SUGCT: variants seen among roughly 807,000 people sequenced by gnomAD.
SUGCT encodes the protein succinyl-CoA:glutarate CoA-transferase.
SUGCT carries 41 observed loss-of-function variants against 55.0 expected under a neutral mutation model. That is an observed-to-expected ratio of 0.74 (90% CI 0.58 to 0.97). SUGCT has a LOEUF of 0.97. Ranked by LOEUF, SUGCT falls within the 50% of genes least tolerant of loss-of-function variation. SUGCT has a pLI of 0.00. For synonymous variants in SUGCT, 187 were observed against 200.4 expected, an observed-to-expected ratio of 0.93 and a Z score of 0.56; for missense variants, 568 against 547.8, an observed-to-expected ratio of 1.04 and a Z score of -0.37.
At chr7:41,024,610 A>G in the SUGCT span, among the ~76,000 whole-genome samples, 1 of 151,974 alleles carries the variant, frequency 6.6e-6, no homozygotes, top group Non-Finnish European at 1.5e-5. Flanking sequence ...AGTGACAGGG[A>G]AATGAAGATT....
the SUGCT span, among the ~76,000 whole-genome samples, chr7:40,883,841 C>T: frequency 6.6e-6 from 1 of 152,154 alleles, no homozygotes; most frequent in Admixed American, 6.5e-5. Context: ...CCTGGTCTAC[C>T]TACTTCAGGG....
chr7:40,955,862 C>A, the SUGCT span, among the ~76,000 whole-genome samples: 2 of 152,050 alleles, frequency 1.3e-5, no homozygotes, highest in Non-Finnish European at 2.9e-5. Context: ...TTATCAAAGG[C>A]TTTTTCTGCA....
chr7:40,489,488 C>G (rs1349455782), intron 11 of SUGCT, among the ~76,000 whole-genome samples: 1 of 152,036 alleles, frequency 6.6e-6, no homozygotes, highest in East Asian at 1.9e-4. Context: ...AGAGACCATC[C>G]TGGACAATAT....
chr7:40,151,022 A>T (rs1163899233), intron 1 of SUGCT, among the ~76,000 whole-genome samples: 1 of 152,222 alleles, frequency 6.6e-6, no homozygotes, highest in East Asian at 1.9e-4. Flanking sequence ...GGATTGCAAG[A>T]TCAGGAGATT....
At chr7:40,624,325 T>C (rs1014531218) in intron 12 of SUGCT, among the ~76,000 whole-genome samples, 6 of 152,200 alleles carry the variant, frequency 3.9e-5, no homozygotes, top group African/African-American at 1.4e-4. Flanking sequence ...TATATGTTAT[T>C]ATTTCTGTGA....
the SUGCT span, among the ~76,000 whole-genome samples, chr7:41,026,901 G>A: frequency 4.2e-4 from 64 of 152,158 alleles, no homozygotes; most frequent in Middle Eastern, 6.8e-3. Flanking sequence ...GAGAGGTGGC[G>A]CATGCCTGTA....
rs1473821306 is a variant in SUGCT, at chr7:40,206,510, A to G, written c.484+11450A>G. 2.0e-5 allele frequency among the ~76,000 whole-genome samples: 3 copies of G among 152,226 alleles called. No individual in the cohort carries two copies. In the East Asian group the frequency reaches 5.8e-4, roughly 29 times the overall value. ...GTGGAATCAGTGAAATCCAACTTGTAAAGAATATATTATGCACAAAGGTTT... is the reference window on the plus strand; with the variant it reads ...GTGGAATCAGTGAAATCCAACTTGTGAAGAATATATTATGCACAAAGGTTT... On this transcript the variant is annotated intron_variant, in intron 6 of 13. Transcript: ENST00000335693.
intron 7 of SUGCT, among the ~76,000 whole-genome samples, chr7:40,272,141 C>CATATAT (rs58480323): frequency 2.8e-4 from 13 of 46,736 alleles, no homozygotes; most frequent in African/African-American, 3.9e-4. Context: ...TGCAATGTGA[C>CATATAT]ATATATATAT....
the SUGCT span, among the ~76,000 whole-genome samples, chr7:41,011,146 G>A: frequency 1.3e-5 from 2 of 152,134 alleles, no homozygotes; most frequent in African/African-American, 4.8e-5. Flanking sequence ...TGGTTGACAC[G>A]CATGAGGAGG....
intron 9 of SUGCT, among the ~76,000 whole-genome samples, chr7:40,323,042 A>G (rs1334074344): frequency 2.0e-5 from 3 of 150,792 alleles, no homozygotes; most frequent in Non-Finnish European, 3.0e-5. Flanking sequence ...ATTTGCCTCA[A>G]TTACAACCAG....
chr7:40,275,777 A>C (rs999149342), intron 8 of SUGCT, among the ~76,000 whole-genome samples: 3 of 152,140 alleles, frequency 2.0e-5, no homozygotes, highest in Non-Finnish European at 4.4e-5. Context: ...GTTATCAGTT[A>C]TGTTGTGCTA....
chr7:40,811,929 T>C (rs1367658394), intron 13 of SUGCT, among the ~76,000 whole-genome samples: 1 of 152,078 alleles, frequency 6.6e-6, no homozygotes, highest in Non-Finnish European at 1.5e-5. Context: ...ACTATTTTGA[T>C]GTATGTTCAT....
At chr7:40,363,067 C>A (rs1798231853) in intron 9 of SUGCT, among the ~76,000 whole-genome samples, 1 of 152,114 alleles carries the variant, frequency 6.6e-6, no homozygotes, top group African/African-American at 2.4e-5. Context: ...AGGAATTTAT[C>A]CATTTCTTCT....
chr7:40,388,095 A>G (rs961868836), intron 9 of SUGCT: 1 of 152,214 alleles, frequency 6.6e-6, no homozygotes, highest in Non-Finnish European at 1.5e-5. Flanking sequence ...ATTACTTTCA[A>G]TTGAAAGTAG....
At chr7:40,473,020 T>G (rs567733451) in intron 11 of SUGCT, among the ~76,000 whole-genome samples, 1 of 152,302 alleles carries the variant, frequency 6.6e-6, no homozygotes, top group African/African-American at 2.4e-5. Context: ...TTTCTTTGAT[T>G]TTTCTATGGG....
chr7:40,989,871 T>G, the SUGCT span, among the ~76,000 whole-genome samples: 1 of 152,198 alleles, frequency 6.6e-6, no homozygotes, highest in African/African-American at 2.4e-5. Context: ...ATATTTCCAA[T>G]TCTAGTTATC....
At chr7:41,032,906 G>A in the SUGCT span, among the ~76,000 whole-genome samples, 1 of 152,184 alleles carries the variant, frequency 6.6e-6, no homozygotes, top group African/African-American at 2.4e-5. Flanking sequence ...TGGGACTATA[G>A]GCACATGCCA....
At chr7:40,520,204 A>G (rs1354217156) in intron 12 of SUGCT, among the ~76,000 whole-genome samples, 2 of 152,168 alleles carry the variant, frequency 1.3e-5, no homozygotes, top group African/African-American at 4.8e-5. Context: ...ACAAAACACT[A>G]AAAGGACACA....
chr7:40,168,742 C>A (rs372257959), intron 1 of SUGCT, among the ~76,000 whole-genome samples: 3 of 152,168 alleles, frequency 2.0e-5, no homozygotes, highest in African/African-American at 7.2e-5. Flanking sequence ...CCTTCTTCGG[C>A]GGCTAGCCAT....
Sources: gnomAD v4.1 joint callset for allele counts (sites outside exome capture counted in the v4.1 genomes callset) on GRCh38, gnomAD v4.1.1 for gene constraint, MANE v1.5 for transcripts, NCBI Gene and HGNC (gene_info 2026-07-23, HGNC 2026-07-21) for gene names.